RTKN: variants seen among roughly 807,000 people sequenced by gnomAD.
RTKN encodes rhotekin.
RTKN carries 49 observed loss-of-function variants against 63.5 expected under a neutral mutation model. The observed-to-expected ratio is 0.77, with a 90% confidence interval of 0.61 to 0.98. RTKN has a LOEUF of 0.98. Among genes scored for constraint, RTKN ranks in the 50% least tolerant of loss-of-function variants. RTKN has a pLI of 0.00. For missense variants in RTKN, 685 were observed against 740.8 expected (o/e 0.92, Z 0.87); for synonymous variants, 295 against 290.4 (o/e 1.02, Z -0.16).
intron 1 of RTKN, among the ~76,000 whole-genome samples, chr2:74,435,031 A>G (rs1670977439): frequency 6.6e-6 from 1 of 152,150 alleles, no homozygotes. Flanking sequence ...TACAGTGTTC[A>G]CTGACGCTGC....
At position 74,428,324 on chromosome 2, in the gene RTKN, G is replaced by C. The variant is rs1245118584; in HGVS notation, c.1030C>G (p.Gln344Glu). The C allele has an allele frequency of 5.0e-6, 8 of 1,614,036 alleles. No homozygotes were observed. In the Admixed American group the frequency reaches 1.3e-4, roughly 27 times the overall value. The part of the protein sequence containing the change: ...LKGTNLFCYR[Q>E]PEDADTGEEP... Reference sequence around the variant, plus strand: ...TCCCCAGTGTCTGCATCCTCAGGTTGCCGGTAACAGAAGAGGTTTGTGCCT... The same window carrying C: ...TCCCCAGTGTCTGCATCCTCAGGTTCCCGGTAACAGAAGAGGTTTGTGCCT... Residue 344 changes from glutamine (Q) to glutamate (E), a missense_variant, in exon 9 of 12, where the codon CAA becomes GAA. Transcript: ENST00000272430.
intron 8 of RTKN, 107 bp from the exon 9 acceptor site, chr2:74,428,503 T>G: frequency 6.3e-7 from 1 of 1,586,096 alleles, no homozygotes; most frequent in Non-Finnish European, 8.6e-7. Context: ...TGTCCATTCC[T>G]CCCCTCGTCT....
chr2:74,427,735 A>T (rs1670490168), intron 9 of RTKN, 143 bp from the exon 10 acceptor site: 6 of 823,040 alleles, frequency 7.3e-6, no homozygotes. Flanking sequence ...CCAGAGTAGG[A>T]AGGAATGGCA....
At chr2:74,434,972 C>A (rs1267015273) in intron 1 of RTKN, among the ~76,000 whole-genome samples, 1 of 152,142 alleles carries the variant, frequency 6.6e-6, no homozygotes, top group Non-Finnish European at 1.5e-5. Context: ...TCAAGTGATG[C>A]CAGGGACATC....
In RTKN at chr2:74,429,872, C is replaced by T. The variant is rs139539432; in HGVS notation, c.711G>A (p.Gly237=). ...RRVRASLDSA[G]GSGSSPILLP... ...GCAAGATGGGACTGCTCCCTGAACC[C>T]CCAGCACTGTCCAGCGATGCCCGGA... Residue 237 remains glycine (G), a synonymous_variant, in exon 6 of 12, where the codon GGG becomes GGA. Coordinates refer to ENST00000272430, the MANE Select transcript of RTKN (RefSeq NM_001015055.2). The T allele has an allele frequency of 1.9e-6, 3 of 1,614,214 alleles. No individual in the cohort carries two copies. Among genetic ancestry groups the T allele is most frequent in the Non-Finnish European group, 2.5e-6 (3 of 1,180,042 alleles).
chr2:74,439,995 C>T (rs939340172), intron 1 of RTKN: 1 of 1,073,314 alleles, frequency 9.3e-7, no homozygotes, highest in African/African-American at 1.6e-5. Context: ...AGAAAAAGGC[C>T]CTTTCATTCC....
Position 74,441,788 on chromosome 2 carries a change from A to T in RTKN, c.29T>A (p.Val10Asp). The part of the protein sequence containing the change: MFSRNHRSR[V>D]TVARGSALEM... ...CAGGGCGGAGCCCCTGGCCACGGTG[A>T]CCCGGCTCCGGTGGTTTCGGGAGAA... Residue 10 changes from valine to aspartate, a missense_variant, in exon 1 of 12, where the codon GTC becomes GAC. Physicochemically the swap from Val to Asp is radical, Grantham distance 152. Transcript: ENST00000272430. 1 of 1,611,424 alleles carries T rather than the reference A, an allele frequency of 6.2e-7. No individual in the cohort carries two copies. Among genetic ancestry groups the T allele is most frequent in the Non-Finnish European group, 8.5e-7 (1 of 1,179,478 alleles).
At chr2:74,435,406 A>G (rs1201940910) in intron 1 of RTKN, among the ~76,000 whole-genome samples, 3 of 152,224 alleles carry the variant, frequency 2.0e-5, no homozygotes, top group Non-Finnish European at 4.4e-5. Context: ...CATTAATGGC[A>G]GGGATGCTTA....
chr2:74,441,111 T>C (rs1036393573), intron 1 of RTKN, among the ~76,000 whole-genome samples: 1 of 152,190 alleles, frequency 6.6e-6, no homozygotes, highest in East Asian at 1.9e-4. Context: ...ACGCTCAGCC[T>C]AGGGGCTGGA....
At position 74,426,061 on chromosome 2, in the gene RTKN, C is replaced by T. The variant is rs1418445281; in HGVS notation, c.*182G>A. ...CAGCGAGCCCCAGGAATGAGTCCCT[C>T]GGTACCATGGCAACCACAATTTAAG... On this transcript the variant is annotated 3_prime_UTR_variant, in exon 12 of 12. Transcript: ENST00000272430. The T allele has an allele frequency of 2.8e-5, 19 of 688,614 alleles. No homozygotes were observed. Among genetic ancestry groups the T allele is most frequent in the Non-Finnish European group, 4.0e-5 (16 of 404,414 alleles). The allele number at this position is 688,614 out of a possible 1,614,324, so 42.7% of individuals were successfully genotyped here. A position where few individuals can be genotyped will look rare whatever the true frequency, so the allele number is the denominator to read the frequency against.
At position 74,432,460 on chromosome 2, in the gene RTKN, T is replaced by G. The variant is rs954840192; in HGVS notation, c.311+7A>C. 2 of 1,606,552 alleles carry G rather than the reference T, an allele frequency of 1.2e-6. No homozygotes were observed. The highest frequency in any genetic ancestry group is 1.7e-6 in the Non-Finnish European group (2 of 1,179,892). On this transcript the variant is annotated splice_region_variant and intron_variant, in intron 2 of 11. Transcript: ENST00000272430. ...CTCCATCGAGGCCTCGTCTCCCCCT[T>G]GCTCACCGCCGGCTTGTCTTCCCCA...
intron 11 of RTKN, 146 bp downstream of exon 11, chr2:74,427,023 C>A: frequency 6.9e-7 from 1 of 1,440,042 alleles, no homozygotes; most frequent in Non-Finnish European, 9.1e-7. Context: ...GAGAAAAGAA[C>A]ACACAAGATT....
intron 1 of RTKN, among the ~76,000 whole-genome samples, chr2:74,433,643 C>A (rs1670892490): frequency 6.6e-6 from 1 of 152,090 alleles, no homozygotes; most frequent in African/African-American, 2.4e-5. Context: ...GCGCCCGCCA[C>A]CACATCCGGC....
At chr2:74,440,205 A>C in intron 1 of RTKN, 2 of 465,318 alleles carry the variant, frequency 4.3e-6, no homozygotes, top group Non-Finnish European at 5.7e-6. Flanking sequence ...AAAGTTGGGA[A>C]AAAGAGCCAC....
Position 74,426,402 on chromosome 2 carries a change from C to A in RTKN, c.1533G>T (p.Leu511=), listed in dbSNP as rs1190540481. The change falls in exon 12 of 12, where the codon CTG becomes CTT. Residue 511 remains leucine (L), a synonymous_variant. Coordinates refer to ENST00000272430, the MANE Select transcript of RTKN (RefSeq NM_001015055.2). ...VAPAPDWTHP[L]PWGRPRTFSL... ...AAAAGGTTCGGGGTCTCCCCCAGGG[C>A]AGGGGGTGGGTCCAGTCTGGGGCTG... 5 of 1,611,378 alleles carry A rather than the reference C, an allele frequency of 3.1e-6. No homozygotes were observed. The highest frequency in any genetic ancestry group is 4.2e-6 in the Non-Finnish European group (5 of 1,178,818).
At chr2:74,427,100 C>G in intron 11 of RTKN, 69 bp downstream of exon 11, 4 of 1,553,028 alleles carry the variant, frequency 2.6e-6, no homozygotes, top group Non-Finnish European at 3.5e-6. Context: ...TTTCCATTAT[C>G]TGGTTTCTCT....
chr2:74,439,823 G>C (rs553035250), intron 1 of RTKN: 2 of 1,398,636 alleles, frequency 1.4e-6, no homozygotes, highest in African/African-American at 2.9e-5. Context: ...AATTTTCCTC[G>C]CCCACTGCTG....
intron 2 of RTKN, chr2:74,431,075 T>C (rs549273695): frequency 5.4e-6 from 1 of 186,410 alleles, no homozygotes; most frequent in African/African-American, 2.3e-5. Flanking sequence ...ATTTTTTTTT[T>C]TTTTAACAAT....
chr2:74,427,513 T>A lies in RTKN; in HGVS notation c.1166A>T (p.Asp389Val). ...FTLSISNQYG[D>V]DEVTHTLQTE... Reference sequence around the variant, plus strand: ...CTGAAGGGTGTGTGTCACCTCATCATCCCCATACTGGTTACTGATGCTTAG... The same window carrying A: ...CTGAAGGGTGTGTGTCACCTCATCAACCCCATACTGGTTACTGATGCTTAG... The change falls in exon 10 of 12, where the codon GAT becomes GTT. Residue 389 changes from aspartate (D) to valine (V), a missense_variant. Coordinates refer to ENST00000272430, the MANE Select transcript of RTKN (RefSeq NM_001015055.2). 1 of 1,614,080 alleles carries A rather than the reference T, an allele frequency of 6.2e-7. No individual in the cohort carries two copies. Among genetic ancestry groups the A allele is most frequent in the African/African-American group, 1.3e-5 (1 of 75,006 alleles).
Sources: gnomAD v4.1 joint callset for allele counts (sites outside exome capture counted in the v4.1 genomes callset) on GRCh38, gnomAD v4.1.1 for gene constraint, MANE v1.5 for transcripts, NCBI Gene and HGNC (gene_info 2026-07-23, HGNC 2026-07-21) for gene names.